RORA: variants seen among roughly 807,000 people sequenced by gnomAD.
The protein encoded by RORA is nuclear receptor ROR-alpha.
RORA carries 7 observed loss-of-function variants against 69.5 expected under a neutral mutation model. That is an observed-to-expected ratio of 0.10 (90% confidence interval 0.06 to 0.19). RORA has a LOEUF of 0.19. Ranked by LOEUF, RORA falls within the 10% of genes least tolerant of loss-of-function variation. RORA has a pLI of 1.00. For synonymous variants in RORA, 261 were observed against 240.8 expected, an observed-to-expected ratio of 1.08 and a Z score of -0.78; for missense variants, 457 against 663.0, an observed-to-expected ratio of 0.69 and a Z score of 3.41.
chr15:60,566,011 A>G (rs2067703016), intron 2 of RORA, among the ~76,000 whole-genome samples: 2 of 152,242 alleles, frequency 1.3e-5, no homozygotes, highest in Admixed American at 6.5e-5. Flanking sequence ...ACAGAGACCT[A>G]TAATTAACAT....
At chr15:60,826,956 A>G (rs2072971905) in intron 1 of RORA, among the ~76,000 whole-genome samples, 1 of 152,222 alleles carries the variant, frequency 6.6e-6, no homozygotes, top group Admixed American at 6.5e-5. Context: ...TTTTAGAATT[A>G]GCAGCATCTT....
intron 1 of RORA, among the ~76,000 whole-genome samples, chr15:61,101,696 A>T (rs1482928426): frequency 6.6e-6 from 1 of 151,944 alleles, no homozygotes; most frequent in African/African-American, 2.4e-5. Flanking sequence ...TTCAAGCAGG[A>T]GAGTGACAGA....
chr15:61,059,659 G>GTT (rs1566968453), intron 1 of RORA, among the ~76,000 whole-genome samples: 4 of 151,930 alleles, frequency 2.6e-5, no homozygotes, highest in Non-Finnish European at 5.9e-5. Flanking sequence ...CTATTTATGA[G>GTT]TTATAATAAA....
At chr15:60,623,945 C>T (rs1377752876) in intron 2 of RORA, among the ~76,000 whole-genome samples, 1 of 151,870 alleles carries the variant, frequency 6.6e-6, no homozygotes, top group Non-Finnish European at 1.5e-5. Context: ...ATGATAGTTG[C>T]CAACATTTTC....
At chr15:61,206,275 T>C (rs969815050) in intron 1 of RORA, among the ~76,000 whole-genome samples, 1 of 152,138 alleles carries the variant, frequency 6.6e-6, no homozygotes, top group Non-Finnish European at 1.5e-5. Flanking sequence ...AAGGAAGAAA[T>C]TCTTATTTCT....
intron 1 of RORA, among the ~76,000 whole-genome samples, chr15:60,836,493 T>A (rs1031729426): frequency 3.3e-5 from 5 of 152,112 alleles, no homozygotes; most frequent in Non-Finnish European, 5.9e-5. Flanking sequence ...AGGCTGGTCA[T>A]CCCATGCTCC....
intron 1 of RORA, among the ~76,000 whole-genome samples, chr15:60,894,213 A>G (rs1214095136): frequency 6.6e-6 from 1 of 152,258 alleles, no homozygotes; most frequent in Non-Finnish European, 1.5e-5. Context: ...CGCTTCAGCG[A>G]TCATTTTTTA....
At position 60,936,408 on chromosome 15, in the gene RORA, G is replaced by A. The variant is rs528843985; in HGVS notation, c.167-257722C>T. 1.3e-4 allele frequency among the ~76,000 whole-genome samples: 20 copies of A among 152,320 alleles called. 1 individual carries two copies. Among genetic ancestry groups the A allele is most frequent in the South Asian group, 1.2e-3 (6 of 4,826 alleles). ...TGGTGTAATTAGCAGCACAGGGCAC[G>A]TTTCCAGAAACAGCCTGGATGGAGA... On this transcript the variant is annotated intron_variant, in intron 1 of 10. Coordinates refer to ENST00000335670, the MANE Select transcript of RORA (RefSeq NM_134261.3).
chr15:60,921,775 G>A (rs8025436), intron 1 of RORA, among the ~76,000 whole-genome samples: 95,817 of 152,020 alleles, frequency 0.63, 30,729 homozygotes, highest in East Asian at 0.87. Flanking sequence ...CCTCATCTGC[G>A]AAACCAGCAT....
chr15:60,679,501 G>A (rs1043094007), intron 1 of RORA, among the ~76,000 whole-genome samples: 2 of 152,138 alleles, frequency 1.3e-5, no homozygotes, highest in Non-Finnish European at 2.9e-5. Flanking sequence ...AATCCTTTAT[G>A]CTGCATTCTT....
rs1051965456 is a variant in RORA at position 60,488,457 on chromosome 15, T to G, written c.*8998A>C. 6.6e-6 allele frequency: 1 copy of G among 152,172 alleles called. No individual in the cohort carries two copies. The highest frequency in any genetic ancestry group is 1.9e-4 in the East Asian group (1 of 5,202). 9.4% of individuals were successfully genotyped at this position (152,172 alleles called of 1,614,324 possible). On this transcript the variant is annotated 3_prime_UTR_variant, in exon 11 of 11. Transcript: ENST00000335670. ...AATTGGAGTATTTAAAAGACAACAT[T>G]AAATCTCTCTTTTTTGTACAGCTTG...
intron 2 of RORA, among the ~76,000 whole-genome samples, chr15:60,538,999 G>GCACACACA (rs57764714): frequency 0.16 from 24,463 of 149,950 alleles, 2,548 homozygotes; most frequent in South Asian, 0.4. Context: ...CCTGCCAAAT[G>GCACACACA]CACACACACA....
In RORA at chr15:60,562,174, A is replaced by T. The variant is rs974036048; in HGVS notation, c.197-30323T>A. ...GGTCTCGAACTCCCGACCTCAGGTG[A>T]TCTGCCCGCCTTGACCTCCCAAAGT... On this transcript the variant is annotated intron_variant, in intron 2 of 10. Coordinates refer to ENST00000335670, the MANE Select transcript of RORA (RefSeq NM_134261.3). Among the ~76,000 whole-genome samples, 9 of 152,056 alleles carry T rather than the reference A, an allele frequency of 5.9e-5. No homozygotes were observed. The East Asian group carries it at 1.4e-3, about 23-fold the overall frequency.
chr15:60,705,032 T>C (rs906482510), intron 1 of RORA, among the ~76,000 whole-genome samples: 11 of 152,212 alleles, frequency 7.2e-5, no homozygotes, highest in Admixed American at 4.6e-4. Flanking sequence ...TTGCAGACGT[T>C]TGCTCTGAGT....
chr15:61,006,860 G>A (rs1894927092), intron 1 of RORA, among the ~76,000 whole-genome samples: 1 of 151,854 alleles, frequency 6.6e-6, no homozygotes, highest in Non-Finnish European at 1.5e-5. Context: ...CTATTACAGG[G>A]GTTTTCAAAC....
At chr15:60,819,836 G>A (rs140845926) in intron 1 of RORA, among the ~76,000 whole-genome samples, 2 of 150,158 alleles carry the variant, frequency 1.3e-5, no homozygotes, top group East Asian at 3.9e-4. Flanking sequence ...CGGCCCCTCT[G>A]CCCTGTCTCA....
chr15:61,096,754 G>A (rs918057635), intron 1 of RORA, among the ~76,000 whole-genome samples: 12 of 152,112 alleles, frequency 7.9e-5, no homozygotes, highest in Non-Finnish European at 1.2e-4. Flanking sequence ...ATTAAAAACC[G>A]GTCCTGTCCC....
chr15:60,799,529 C>T (rs1225396899), intron 1 of RORA, among the ~76,000 whole-genome samples: 1 of 152,106 alleles, frequency 6.6e-6, no homozygotes, highest in African/African-American at 2.4e-5. Flanking sequence ...AGCTCCTCTT[C>T]TGATCGATTC....
chr15:61,053,945 CTTTG>C (rs949528459), intron 1 of RORA, among the ~76,000 whole-genome samples: 8 of 147,340 alleles, frequency 5.4e-5, no homozygotes, highest in African/African-American at 1.3e-4. Context: ...TGGTTATTTT[CTTTG>C]TTTGTTTTCT....
Sources: allele counts gnomAD v4.1 joint callset (sites outside exome capture counted in the v4.1 genomes callset), GRCh38; gene constraint gnomAD v4.1.1; transcripts MANE v1.5; gene names NCBI Gene and HGNC (gene_info 2026-07-23, HGNC 2026-07-21).